CD274: variants seen among roughly 807,000 people sequenced by gnomAD.
CD274 encodes the protein CD274 molecule, also known as programmed cell death 1 ligand 1.
A neutral mutation model predicts 30.1 loss-of-function variants in CD274; 8 were observed. That is an observed-to-expected ratio of 0.27 (90% CI 0.16 to 0.48). The LOEUF is 0.48. Among genes scored for constraint, CD274 ranks in the 20% least tolerant of loss-of-function variants. The probability of loss-of-function intolerance (pLI) is 0.99; values close to 1 mark genes in which losing one functional copy is unlikely to be tolerated. For synonymous variants in CD274, 152 were observed against 124.6 expected (o/e 1.22, Z -1.46); for missense variants, 353 against 346.6 (o/e 1.02, Z -0.15).
intron 2 of CD274, 47 bp from the exon 3 acceptor site, chr9:5,457,032 T>C (rs73399112): frequency 1.8e-5 from 25 of 1,352,120 alleles, no homozygotes; most frequent in Non-Finnish European, 2.6e-5. Flanking sequence ...TTGTAAATGT[T>C]TCGAGGAATT....
At position 5,463,034 on chromosome 9, in the gene CD274, A is replaced by G. The variant is rs1200397607; in HGVS notation, c.595A>G (p.Ile199Val). The change falls in exon 4 of 7, where the codon ATC (isoleucine) becomes GTC (valine). Residue 199 changes from isoleucine to valine, a missense_variant. Physicochemically the swap from Ile to Val is conservative, Grantham distance 29. Coordinates refer to ENST00000381577, the MANE Select transcript of CD274 (RefSeq NM_014143.4). ...TTTCAATGTGACCAGCACACTGAGA[A>G]TCAACACAACAACTAATGAGATTTT... Reference protein sequence around the residue: ...KLFNVTSTLRINTTTNEIFYC... With the variant: ...KLFNVTSTLRVNTTTNEIFYC... 3 of 1,613,970 alleles carry G rather than the reference A, an allele frequency of 1.9e-6. No individual in the cohort carries two copies. In the Admixed American group the frequency reaches 5.0e-5, roughly 27 times the overall value.
intron 6 of CD274, among the ~76,000 whole-genome samples, chr9:5,467,202 AAGAGAGAGAGAG>A (rs79234686): frequency 6.7e-6 from 1 of 149,518 alleles, no homozygotes; most frequent in Non-Finnish European, 1.5e-5. Flanking sequence ...GCCATTACCA[AAGAGAGAGAGAG>A]AGAGAGAGAG....
At chr9:5,457,546 A>G in intron 3 of CD274, 126 bp downstream of exon 3, 2 of 722,152 alleles carry the variant, frequency 2.8e-6, no homozygotes, top group Non-Finnish European at 4.5e-6. Flanking sequence ...TCATTCATTC[A>G]TTCAATTCAT....
chr9:5,470,071 C>T lies in CD274; in HGVS notation c.*2209C>T, dbSNP rs756348217. The T allele has an allele frequency of 7.7e-5, 18 of 232,926 alleles. No individual in the cohort carries two copies. Among genetic ancestry groups the T allele is most frequent in the Non-Finnish European group, 1.2e-4 (14 of 117,890 alleles). 14.4% of individuals were successfully genotyped at this position (232,926 alleles called of 1,614,324 possible). A position where few individuals can be genotyped will look rare whatever the true frequency, so the allele number is the denominator to read the frequency against. On this transcript the variant is annotated 3_prime_UTR_variant, in exon 7 of 7. Coordinates refer to ENST00000381577, the MANE Select transcript of CD274 (RefSeq NM_014143.4). ...CTCCTAAGAGGCTTCCTGGAGGTTT[C>T]GAGATTCAGATGCCCTGGGAGATCC...
intron 1 of CD274, among the ~76,000 whole-genome samples, chr9:5,452,315 C>T (rs1445993427): frequency 3.3e-5 from 5 of 152,216 alleles, no homozygotes; most frequent in Admixed American, 3.3e-4. Flanking sequence ...CTGCTCCTGG[C>T]TGCTTAACTT....
intron 1 of CD274, among the ~76,000 whole-genome samples, chr9:5,455,612 C>T (rs956775103): frequency 8.5e-5 from 13 of 152,120 alleles, no homozygotes; most frequent in African/African-American, 3.1e-4. Context: ...ACTAGCATGG[C>T]TGAGACAGTG....
At chr9:5,457,047 C>A in intron 2 of CD274, 32 bp from the exon 3 acceptor site, 2 of 1,493,354 alleles carry the variant, frequency 1.3e-6, no homozygotes, top group African/African-American at 1.4e-5. Flanking sequence ...GGAATTTTCC[C>A]TTTTCTGAAG....
At chr9:5,464,332 C>G (rs1819460285) in intron 4 of CD274, among the ~76,000 whole-genome samples, 1 of 152,032 alleles carries the variant, frequency 6.6e-6, no homozygotes, top group African/African-American at 2.4e-5. Flanking sequence ...TTTTTAAATA[C>G]CTGGCATGCC....
intron 4 of CD274, 194 bp downstream of exon 4, chr9:5,463,315 G>A: frequency 1.7e-6 from 1 of 588,056 alleles, no homozygotes; most frequent in Non-Finnish European, 3.0e-6. Flanking sequence ...ACATTCAGCA[G>A]ATATTTATGG....
intron 3 of CD274, among the ~76,000 whole-genome samples, chr9:5,457,961 A>C (rs1303113601): frequency 6.6e-6 from 1 of 152,240 alleles, no homozygotes; most frequent in African/African-American, 2.4e-5. Flanking sequence ...TCACATTAAA[A>C]AAGACTTGAA....
chr9:5,451,844 AT>A (rs539313526), intron 1 of CD274, among the ~76,000 whole-genome samples: 14 of 149,466 alleles, frequency 9.4e-5, no homozygotes, highest in African/African-American at 1.2e-4. Flanking sequence ...CTACTTAAGA[AT>A]TTTTTTTTTG....
chr9:5,464,069 A>G (rs1819455967), intron 4 of CD274, among the ~76,000 whole-genome samples: 1 of 152,194 alleles, frequency 6.6e-6, no homozygotes, highest in Non-Finnish European at 1.5e-5. Flanking sequence ...TTAGATAGAA[A>G]AGTCAATCAA....
chr9:5,464,849 GGCCA>G (rs1293481760), intron 4 of CD274, among the ~76,000 whole-genome samples: 1 of 152,192 alleles, frequency 6.6e-6, no homozygotes, highest in African/African-American at 2.4e-5. Context: ...CACTTTGGGA[GGCCA>G]AGGTGGGCAG....
chr9:5,453,933 C>T (rs1023891694), intron 1 of CD274, among the ~76,000 whole-genome samples: 2 of 152,168 alleles, frequency 1.3e-5, no homozygotes, highest in Admixed American at 6.5e-5. Context: ...AAAAATGTTT[C>T]CAGGCATCAC....
Position 5,470,029 on chromosome 9 carries a change from G to C in CD274, c.*2167G>C, listed in dbSNP as rs1389995459. ...CTTGAACCCTTGAATGCCACCAGCT[G>C]TCATCACTACACAGCCCTCCTAAGA... On this transcript the variant is annotated 3_prime_UTR_variant, in exon 7 of 7. Coordinates refer to ENST00000381577, the MANE Select transcript of CD274 (RefSeq NM_014143.4). 4.3e-6 allele frequency: 1 copy of C among 233,162 alleles called. No homozygotes were observed. Among genetic ancestry groups the C allele is most frequent in the Non-Finnish European group, 8.5e-6 (1 of 117,938 alleles). 14.4% of individuals were successfully genotyped at this position (233,162 alleles called of 1,614,324 possible). A position where few individuals can be genotyped will look rare whatever the true frequency, so the allele number is the denominator to read the frequency against.
intron 1 of CD274, among the ~76,000 whole-genome samples, chr9:5,451,783 G>A (rs1219586372): frequency 1.3e-5 from 2 of 152,126 alleles, no homozygotes; most frequent in African/African-American, 4.8e-5. Context: ...GTTTAATAAA[G>A]TTTGGTCACT....
rs2131208933 is a variant in CD274 at position 5,456,178 on chromosome 9, A to G, written c.52+13A>G. On this transcript the variant is annotated intron_variant, in intron 2 of 6. Transcript: ENST00000381577. The stretch of plus-strand genomic sequence containing the variant: ...CATTTGCTGAACGGTAAGACACCAA[A>G]TCCTTCCATTAGGTTCTATATTTTA... The G allele has an allele frequency of 6.4e-7, 1 of 1,556,242 alleles. No homozygotes were observed. Among genetic ancestry groups the G allele is most frequent in the Non-Finnish European group, 8.9e-7 (1 of 1,128,372 alleles).
chr9:5,453,527 T>C (rs943829464), intron 1 of CD274, among the ~76,000 whole-genome samples: 11 of 152,160 alleles, frequency 7.2e-5, no homozygotes, highest in African/African-American at 2.4e-4. Flanking sequence ...CAAATACTTA[T>C]GATATTTTAA....
intron 5 of CD274, 196 bp downstream of exon 5, chr9:5,465,802 G>A: frequency 2.3e-6 from 1 of 440,120 alleles, no homozygotes; most frequent in Non-Finnish European, 4.1e-6. Flanking sequence ...CAGGAGAATG[G>A]GTATGGATGG....
Sources: gnomAD v4.1 joint callset for allele counts (sites outside exome capture counted in the v4.1 genomes callset) on GRCh38, gnomAD v4.1.1 for gene constraint, MANE v1.5 for transcripts, NCBI Gene and HGNC (gene_info 2026-07-23, HGNC 2026-07-21) for gene names.